Variants in GAB2 observed in about 807,000 individuals in gnomAD.
The protein encoded by GAB2 is GRB2 associated binding protein 2.
Under a neutral mutation model 65.5 loss-of-function variants are expected in GAB2, and 26 were observed. The observed-to-expected ratio is 0.40, with a 90% CI of 0.29 to 0.55. The LOEUF is 0.55. GAB2 is among the 20% of genes least tolerant of loss of function. The pLI is 0.53. For missense variants in GAB2, 884 were observed against 875.8 expected (o/e 1.01, Z -0.12); for synonymous variants, 321 against 329.6 (o/e 0.97, Z 0.28).
intron 1 of GAB2, among the ~76,000 whole-genome samples, chr11:78,368,275 T>G (rs951953058): frequency 2.6e-5 from 4 of 152,206 alleles, no homozygotes; most frequent in Admixed American, 6.5e-5. Context: ...GCATCTGCCT[T>G]GATGGTTTGA....
Position 78,226,768 on chromosome 11 carries a change from G to T in GAB2, c.904C>A (p.Leu302Met), listed in dbSNP as rs1366789192. 6.2e-7 allele frequency: 1 copy of T among 1,614,008 alleles called. No homozygotes were observed. Among genetic ancestry groups the T allele is most frequent in the East Asian group, 2.2e-5 (1 of 44,890 alleles). Residue 302 changes from leucine (L) to methionine (M), a missense_variant, in exon 4 of 10, where the codon CTG becomes ATG. By Grantham distance (15) the Leu-to-Met change is conservative. Transcript: ENST00000361507. ...AGGAGGTCCCCGAACTCCCTGCACA[G>T]GGTGTTGCTGGGCGTCTTGAAGGTG... ...VYTFKTPSNT[L>M]CREFGDLLVD... is the part of the protein sequence containing the mutation.
At chr11:78,285,352 G>A (rs1180989037) in intron 1 of GAB2, among the ~76,000 whole-genome samples, 1 of 152,226 alleles carries the variant, frequency 6.6e-6, no homozygotes, top group Non-Finnish European at 1.5e-5. Context: ...AGTAAGTGGT[G>A]TAGGCTGATA....
intron 1 of GAB2, among the ~76,000 whole-genome samples, chr11:78,318,668 T>C (rs749489762): frequency 2.6e-5 from 4 of 152,158 alleles, no homozygotes; most frequent in Non-Finnish European, 4.4e-5. Context: ...GGTTGGCTCT[T>C]GCACACCAGG....
intron 1 of GAB2, among the ~76,000 whole-genome samples, chr11:78,339,095 T>C (rs1420316903): frequency 6.6e-6 from 1 of 152,106 alleles, no homozygotes; most frequent in Non-Finnish European, 1.5e-5. Flanking sequence ...GCTAATTTTT[T>C]TTTTATTTTT....
chr11:78,323,114 T>C (rs1470566539), intron 1 of GAB2, among the ~76,000 whole-genome samples: 3 of 152,192 alleles, frequency 2.0e-5, no homozygotes, highest in Admixed American at 6.5e-5. Flanking sequence ...ATAGTACATA[T>C]ACACCATGGA....
At chr11:78,325,719 G>C (rs964425109) in intron 1 of GAB2, among the ~76,000 whole-genome samples, 3 of 152,120 alleles carry the variant, frequency 2.0e-5, no homozygotes, top group Non-Finnish European at 4.4e-5. Flanking sequence ...GATCTTACAT[G>C]ACTTAGCAAC....
chr11:78,320,227 G>A (rs1855696616), intron 1 of GAB2, among the ~76,000 whole-genome samples: 1 of 152,058 alleles, frequency 6.6e-6, no homozygotes, highest in East Asian at 1.9e-4. Flanking sequence ...CTAGAGACAG[G>A]GGTCTCACTA....
chr11:78,320,071 G>A (rs1301227971), intron 1 of GAB2, among the ~76,000 whole-genome samples: 1 of 152,146 alleles, frequency 6.6e-6, no homozygotes, highest in Non-Finnish European at 1.5e-5. Flanking sequence ...ATGGGGTTTC[G>A]CCATGTTGGC....
At chr11:78,239,614 G>A (rs1865073542) in intron 3 of GAB2, among the ~76,000 whole-genome samples, 1 of 152,166 alleles carries the variant, frequency 6.6e-6, no homozygotes, top group Non-Finnish European at 1.5e-5. Flanking sequence ...AACTTGGGAT[G>A]GTCACACAGA....
At chr11:78,314,608 C>T (rs950540020) in intron 1 of GAB2, among the ~76,000 whole-genome samples, 3 of 152,164 alleles carry the variant, frequency 2.0e-5, no homozygotes, top group African/African-American at 7.2e-5. Flanking sequence ...ACAAGTATAA[C>T]ATGTTATACA....
chr11:78,239,661 T>G (rs968746791), intron 3 of GAB2, among the ~76,000 whole-genome samples: 1 of 152,122 alleles, frequency 6.6e-6, no homozygotes, highest in African/African-American at 2.4e-5. Context: ...CACCACTCCA[T>G]GCAAGATCAG....
At chr11:78,239,633 G>C (rs1865073765) in intron 3 of GAB2, among the ~76,000 whole-genome samples, 1 of 152,162 alleles carries the variant, frequency 6.6e-6, no homozygotes, top group Non-Finnish European at 1.5e-5. Flanking sequence ...GAGAACAGAA[G>C]GAAACACACT....
In GAB2 at chr11:78,376,664, A is replaced by G. The variant is rs1039291529; in HGVS notation, c.75+40982T>C. On this transcript the variant is annotated intron_variant, in intron 1 of 9. Transcript: ENST00000361507. ...TGTAGGATAAGGCAAGAATAACCAT[A>G]AAAGTCTGGACAACCTAGGTTTCAA... Among the ~76,000 whole-genome samples the G allele has an allele frequency of 5.9e-5, 9 of 152,222 alleles. No homozygotes were observed. The East Asian group carries it at 1.2e-3, about 20-fold the overall frequency.
chr11:78,329,171 C>T (rs1855873858), intron 1 of GAB2, among the ~76,000 whole-genome samples: 1 of 152,036 alleles, frequency 6.6e-6, no homozygotes, highest in Non-Finnish European at 1.5e-5. Flanking sequence ...TTCAATCTTG[C>T]TTTATGTTTG....
intron 2 of GAB2, among the ~76,000 whole-genome samples, chr11:78,250,932 T>C (rs1865437387): frequency 6.6e-6 from 1 of 152,002 alleles, no homozygotes; most frequent in African/African-American, 2.4e-5. Context: ...ACGGAAACAG[T>C]AGACACTGGG....
intron 1 of GAB2, among the ~76,000 whole-genome samples, chr11:78,332,797 A>T (rs1006951160): frequency 6.6e-6 from 1 of 152,326 alleles, no homozygotes; most frequent in East Asian, 1.9e-4. Flanking sequence ...TGACTTTGAG[A>T]AAGAACCTTT....
chr11:78,343,455 G>T (rs1167009320), intron 1 of GAB2, among the ~76,000 whole-genome samples: 4 of 151,838 alleles, frequency 2.6e-5, no homozygotes, highest in Non-Finnish European at 5.9e-5. Flanking sequence ...GAAGGAGAGG[G>T]AGAGAGGAAT....
At position 78,223,563 on chromosome 11, in the gene GAB2, G is replaced by C; in HGVS notation, c.1416C>G (p.Ser472=). 1 of 1,613,918 alleles carries C rather than the reference G, an allele frequency of 6.2e-7. No individual in the cohort carries two copies. Among genetic ancestry groups the C allele is most frequent in the African/African-American group, 1.3e-5 (1 of 75,018 alleles). The change falls in exon 6 of 10, where the codon TCC becomes TCG. Residue 472 remains serine (S), a synonymous_variant. Transcript: ENST00000361507. ...GGCTCATTGGGATGTAGACGCTCTG[G>C]GAATTATCACCTGCTCGTTCCATGG... ...LLAMERAGDN[S]QSVYIPMSPG...
intron 1 of GAB2, among the ~76,000 whole-genome samples, chr11:78,401,951 T>A (rs537274514): frequency 2.6e-5 from 4 of 152,200 alleles, no homozygotes; most frequent in Non-Finnish European, 4.4e-5. Flanking sequence ...ATATGAACCA[T>A]ATAGAATTAT....
Sources: allele counts gnomAD v4.1 joint callset (sites outside exome capture counted in the v4.1 genomes callset), GRCh38; gene constraint gnomAD v4.1.1; transcripts MANE v1.5; gene names NCBI Gene and HGNC (gene_info 2026-07-23, HGNC 2026-07-21).